RASGRP1: variants seen among roughly 807,000 people sequenced by gnomAD.
The protein encoded by RASGRP1 is RAS guanyl releasing protein 1.
A neutral mutation model predicts 95.1 loss-of-function variants in RASGRP1; 37 were observed. The observed-to-expected ratio is 0.39, with a 90% confidence interval of 0.30 to 0.51. The LOEUF (loss-of-function observed/expected upper bound fraction) is 0.51. Among genes scored for constraint, RASGRP1 ranks in the 20% least tolerant of loss-of-function variants. The pLI, the probability that RASGRP1 is intolerant of heterozygous loss-of-function variation, is 0.80. For missense variants in RASGRP1, 711 were observed against 965.4 expected, an observed-to-expected ratio of 0.74 and a Z score of 3.49; for synonymous variants, 325 against 353.4, an observed-to-expected ratio of 0.92 and a Z score of 0.90.
At chr15:38,523,500 CAGTA>C (rs1320638428) in intron 3 of RASGRP1, among the ~76,000 whole-genome samples, 1 of 152,122 alleles carries the variant, frequency 6.6e-6, no homozygotes, top group African/African-American at 2.4e-5. Context: ...CATAAAGTCA[CAGTA>C]AGCTAAATTA....
intron 15 of RASGRP1, among the ~76,000 whole-genome samples, chr15:38,498,355 G>C (rs1415629935): frequency 2.0e-5 from 3 of 152,090 alleles, no homozygotes; most frequent in African/African-American, 7.2e-5. Flanking sequence ...ATCTGTTTTT[G>C]AATGCACTAT....
chr15:38,488,432 C>T lies in RASGRP1; in HGVS notation c.*2122G>A, dbSNP rs1341893775. 6.6e-6 allele frequency: 1 copy of T among 151,398 alleles called. No homozygotes were observed. Among genetic ancestry groups the T allele is most frequent in the Non-Finnish European group, 1.5e-5 (1 of 67,746 alleles). The allele number at this position is 151,398 out of a possible 1,614,324, so 9.4% of individuals were successfully genotyped here. On this transcript the variant is annotated 3_prime_UTR_variant, in exon 17 of 17. Transcript: ENST00000310803. The stretch of plus-strand genomic sequence containing the variant: ...TCCAGATTTCTGTGATCCCACTAGC[C>T]CCATGTTGCTCAACACAAATACTAT...
chr15:38,491,209 TG>T (rs1325222972), intron 16 of RASGRP1, among the ~76,000 whole-genome samples: 1 of 152,248 alleles, frequency 6.6e-6, no homozygotes, highest in Non-Finnish European at 1.5e-5. Context: ...AGCCAACAGT[TG>T]ATTTCCAGTC....
chr15:38,541,816 G>A (rs1035627606), intron 2 of RASGRP1, among the ~76,000 whole-genome samples: 4 of 152,118 alleles, frequency 2.6e-5, no homozygotes, highest in African/African-American at 9.7e-5. Context: ...GAAGCTACAG[G>A]CAATACTACA....
chr15:38,497,478 C>T (rs932130915), intron 15 of RASGRP1, among the ~76,000 whole-genome samples: 11 of 151,826 alleles, frequency 7.2e-5, no homozygotes, highest in African/African-American at 2.7e-4. Flanking sequence ...CTGGAATGTG[C>T]TCTGTCCTCC....
rs1893738616 is a variant in RASGRP1 at position 38,559,949 on chromosome 15, G to A, written c.92C>T (p.Ala31Val). The A allele has an allele frequency of 6.2e-7, 1 of 1,613,470 alleles. No individual in the cohort carries two copies. Among genetic ancestry groups the A allele is most frequent in the African/African-American group, 1.3e-5 (1 of 74,888 alleles). Residue 31 changes from alanine (A) to valine (V), a missense_variant, in exon 2 of 17, where the codon GCC becomes GTC. Physicochemically the swap from Ala to Val is moderately conservative, Grantham distance 64. Coordinates refer to ENST00000310803, the MANE Select transcript of RASGRP1 (RefSeq NM_005739.4). ...ASKARLEAKP[A>V]NSPFPSHPSL... ...GGGATGGGAGGGGAAGGGGCTGTTG[G>A]CTGGCTTTGCCTCTAGTCTTGCTTT...
chr15:38,564,036 G>A (rs551762112), intron 1 of RASGRP1, among the ~76,000 whole-genome samples: 4 of 152,330 alleles, frequency 2.6e-5, no homozygotes, highest in Admixed American at 2.0e-4. Context: ...ATCATAGTGA[G>A]GGGGAGAGGA....
At chr15:38,511,199 A>G (rs1183441653) in intron 8 of RASGRP1, among the ~76,000 whole-genome samples, 3 of 152,200 alleles carry the variant, frequency 2.0e-5, no homozygotes, top group Non-Finnish European at 2.9e-5. Flanking sequence ...ATATATCACT[A>G]TATAACTACA....
At chr15:38,508,717 C>T (rs1025764525) in intron 8 of RASGRP1, among the ~76,000 whole-genome samples, 8 of 152,198 alleles carry the variant, frequency 5.3e-5, no homozygotes, top group African/African-American at 1.7e-4. Context: ...GAAGTGGGAA[C>T]GGCTGCTCAC....
chr15:38,525,923 A>C (rs1287405950), intron 3 of RASGRP1, among the ~76,000 whole-genome samples: 1 of 152,204 alleles, frequency 6.6e-6, no homozygotes, highest in African/African-American at 2.4e-5. Flanking sequence ...AAGTTGAAGA[A>C]TTGGACAGGA....
At chr15:38,524,746 G>A (rs1892138854) in intron 3 of RASGRP1, among the ~76,000 whole-genome samples, 1 of 152,148 alleles carries the variant, frequency 6.6e-6, no homozygotes, top group Non-Finnish European at 1.5e-5. Context: ...GGGGAGGTAG[G>A]GTTAAGAGTT....
intron 2 of RASGRP1, 44 bp from the exon 3 acceptor site, chr15:38,526,448 A>C: frequency 1.3e-6 from 2 of 1,490,300 alleles, no homozygotes; most frequent in Non-Finnish European, 1.9e-6. Flanking sequence ...CCTGGAGGGA[A>C]ACTAGTCACC....
chr15:38,542,864 C>CAT (rs1555403784), intron 2 of RASGRP1, among the ~76,000 whole-genome samples: 31 of 125,688 alleles, frequency 2.5e-4, no homozygotes, highest in Middle Eastern at 4.8e-3. Flanking sequence ...TATATATACA[C>CAT]ATATATGTGT....
intron 2 of RASGRP1, among the ~76,000 whole-genome samples, chr15:38,548,472 G>A (rs560464370): frequency 3.7e-4 from 56 of 152,278 alleles, no homozygotes; most frequent in African/African-American, 1.3e-3. Flanking sequence ...TACTCAGAAG[G>A]CTGAGGTGAA....
chr15:38,542,835 G>GTATATATATACACATATATGTGTA (rs1892924952), intron 2 of RASGRP1, among the ~76,000 whole-genome samples: 1 of 107,190 alleles, frequency 9.3e-6, no homozygotes, highest in Non-Finnish European at 1.8e-5. Flanking sequence ...ATATATATGT[G>GTATATATATACACATATATGTGTA]TATATATATA....
At chr15:38,542,893 G>A (rs1182751169) in intron 2 of RASGRP1, among the ~76,000 whole-genome samples, 3 of 131,660 alleles carry the variant, frequency 2.3e-5, no homozygotes, top group Non-Finnish European at 4.8e-5. Flanking sequence ...ACACATATAT[G>A]TGTATATATA....
At chr15:38,496,417 C>A (rs1890794563) in intron 15 of RASGRP1, among the ~76,000 whole-genome samples, 1 of 152,192 alleles carries the variant, frequency 6.6e-6, no homozygotes, top group Admixed American at 6.5e-5. Context: ...TCTCTAACAA[C>A]TGCCCCTTCA....
At chr15:38,502,217 C>A in intron 12 of RASGRP1, 95 bp downstream of exon 12, 1 of 836,776 alleles carries the variant, frequency 1.2e-6, no homozygotes, top group African/African-American at 1.7e-5. Flanking sequence ...ACAGCAGCAA[C>A]ATATCTGAGT....
intron 9 of RASGRP1, among the ~76,000 whole-genome samples, chr15:38,507,174 G>A (rs1322223389): frequency 6.6e-6 from 1 of 152,182 alleles, no homozygotes; most frequent in Non-Finnish European, 1.5e-5. Flanking sequence ...CTACGGAATT[G>A]CAGGTCTGGA....
Sources: allele counts gnomAD v4.1 joint callset (sites outside exome capture counted in the v4.1 genomes callset), GRCh38; gene constraint gnomAD v4.1.1; transcripts MANE v1.5; gene names NCBI Gene and HGNC (gene_info 2026-07-23, HGNC 2026-07-21).